The following IQSEC1 variants were observed in gnomAD, a reference collection of about 807,000 sequenced individuals.
IQSEC1 encodes the protein IQ motif and SEC7 domain-containing protein 1.
In IQSEC1, 31 loss-of-function variants were observed where a neutral mutation model predicts 91.0. The observed-to-expected ratio is 0.34, with a 90% CI of 0.26 to 0.46. The LOEUF is 0.46. Ranked by LOEUF, IQSEC1 falls within the 20% of genes least tolerant of loss-of-function variation. The pLI is 1.00. For missense variants in IQSEC1, 1,388 were observed against 1,575.6 expected (o/e 0.88, Z 2.02); for synonymous variants, 699 against 662.6 (o/e 1.05, Z -0.84).
At chr3:13,006,458 C>T (rs1702639276) in intron 1 of IQSEC1, among the ~76,000 whole-genome samples, 1 of 152,290 alleles carries the variant, frequency 6.6e-6, no homozygotes, top group African/African-American at 2.4e-5. Context: ...GGTGGGGGCA[C>T]ATGGAGGGGC....
At chr3:13,028,194 G>A (rs1703694875) in intron 1 of IQSEC1, among the ~76,000 whole-genome samples, 1 of 152,168 alleles carries the variant, frequency 6.6e-6, no homozygotes, top group African/African-American at 2.4e-5. Flanking sequence ...GCCCAGAGGG[G>A]GAGTTAATGA....
At chr3:13,241,206 C>A (rs557540842) in intron 1 of IQSEC1, among the ~76,000 whole-genome samples, 13 of 152,308 alleles carry the variant, frequency 8.5e-5, no homozygotes, top group African/African-American at 3.1e-4. Context: ...TAGTTCATGA[C>A]CCTAAAAACA....
chr3:13,174,083 G>A (rs907436062), intron 1 of IQSEC1, among the ~76,000 whole-genome samples: 2 of 152,152 alleles, frequency 1.3e-5, no homozygotes, highest in African/African-American at 2.4e-5. Flanking sequence ...CCAGAGGCCC[G>A]GGTTCCTACC....
In IQSEC1 at chr3:13,152,689, C is replaced by T. The variant is rs1576273591; in HGVS notation, c.302+11415G>A. Among the ~76,000 whole-genome samples the T allele has an allele frequency of 2.6e-5, 4 of 152,220 alleles. No homozygotes were observed. In the East Asian group the frequency reaches 5.8e-4, roughly 22 times the overall value. On this transcript the variant is annotated intron_variant, in intron 2 of 15. Coordinates refer to the IQSEC1 transcript ENST00000648114. The stretch of plus-strand genomic sequence containing the variant: ...AGTTTGAGACCAGCCTGGCCAACAT[C>T]GTGAAACCCTGCCTCTACTAAAAAT...
At chr3:13,058,260 G>A (rs1022207389) in intron 1 of IQSEC1, among the ~76,000 whole-genome samples, 2 of 152,182 alleles carry the variant, frequency 1.3e-5, no homozygotes, top group Non-Finnish European at 2.9e-5. Context: ...GCGACAGAGG[G>A]AGACTCTGTC....
rs1382217706 is a variant in IQSEC1 at position 12,994,307 on chromosome 3, C to T, written c.24-52442G>A. ...ACCTTGGCGGGTGGCCTCGCCGCGC[C>T]TGGCCTCAGTTTCCCCCCTCGGAAG... On this transcript the variant is annotated intron_variant, in intron 1 of 13. Transcript: ENST00000613206. The surrounding 1 kb of genome is among the most constrained non-coding windows in gnomAD (Gnocchi z 4.5). Among the ~76,000 whole-genome samples, 1 of 151,740 alleles carries T rather than the reference C, an allele frequency of 6.6e-6. No individual in the cohort carries two copies. The highest frequency in any genetic ancestry group is 1.5e-5 in the Non-Finnish European group (1 of 67,868).
chr3:13,225,719 T>G (rs1694741341), intron 1 of IQSEC1, among the ~76,000 whole-genome samples: 1 of 152,178 alleles, frequency 6.6e-6, no homozygotes, highest in African/African-American at 2.4e-5. Context: ...CTGAGAAAGG[T>G]ATATCCACAG....
At position 13,060,720 on chromosome 3, in the gene IQSEC1, C is replaced by T. The variant is rs545107415; in HGVS notation, c.23+12272G>A. 4.4e-3 allele frequency among the ~76,000 whole-genome samples: 664 copies of T among 152,296 alleles called. 2 individuals are homozygous for T. The highest frequency in any genetic ancestry group is 7.3e-3 in the Non-Finnish European group (498 of 68,006). ...TGGCCAGCAGCATCAGCCCTGCCCCCGGCGGGGCTCCAGGACCGGGAGACT... is the reference window on the plus strand; with the variant it reads ...TGGCCAGCAGCATCAGCCCTGCCCCTGGCGGGGCTCCAGGACCGGGAGACT... On this transcript the variant is annotated intron_variant, in intron 1 of 13. Transcript: ENST00000613206.
At chr3:13,010,170 A>C (rs1419290876) in intron 1 of IQSEC1, among the ~76,000 whole-genome samples, 4 of 152,226 alleles carry the variant, frequency 2.6e-5, no homozygotes, top group Non-Finnish European at 5.9e-5. Flanking sequence ...TTAGCAGGTC[A>C]TAGTGGCGGA....
At chr3:13,153,704 T>C (rs766022592) in intron 2 of IQSEC1, among the ~76,000 whole-genome samples, 13 of 152,178 alleles carry the variant, frequency 8.5e-5, no homozygotes, top group Non-Finnish European at 1.9e-4. Flanking sequence ...TGCACGGTGC[T>C]GTGCGTGTCT....
chr3:12,935,117 G>A lies in IQSEC1; in HGVS notation c.1568+331C>T, dbSNP rs929957105. On this transcript the variant is annotated intron_variant, in intron 3 of 13. Transcript: ENST00000613206. The surrounding 1 kb of genome is among the most constrained non-coding windows in gnomAD (Gnocchi z 8.0). ...AGGCCTGACATCCAAAGTTGCGCAG[G>A]GCATGGCCCAACATACCCCACTTGC... Among the ~76,000 whole-genome samples, 3 of 152,204 alleles carry A rather than the reference G, an allele frequency of 2.0e-5. No individual in the cohort carries two copies. Among genetic ancestry groups the A allele is most frequent in the Non-Finnish European group, 4.4e-5 (3 of 68,044 alleles).
intron 9 of IQSEC1, 148 bp downstream of exon 9, chr3:12,913,280 C>CAT: frequency 1.3e-6 from 1 of 772,990 alleles, no homozygotes; most frequent in Non-Finnish European, 2.0e-6. Context: ...AGTCTGTCTT[C>CAT]ATGTGCATCA....
intron 2 of IQSEC1, among the ~76,000 whole-genome samples, chr3:13,129,835 T>A (rs558786175): frequency 3.4e-4 from 51 of 151,700 alleles, no homozygotes; most frequent in South Asian, 1.3e-3. Flanking sequence ...TTTTTTTGTG[T>A]TTTTAGTAGA....
intron 1 of IQSEC1, among the ~76,000 whole-genome samples, chr3:12,971,786 C>A (rs939835627): frequency 2.6e-5 from 4 of 152,092 alleles, no homozygotes; most frequent in African/African-American, 9.7e-5. Context: ...CAGTTATGGG[C>A]CAGGTGTGGT....
Position 12,920,575 on chromosome 3 carries a change from G to A in IQSEC1, c.1875C>T (p.Asn625=). 2 of 1,614,092 alleles carry A rather than the reference G, an allele frequency of 1.2e-6. No homozygotes were observed. Among genetic ancestry groups the A allele is most frequent in the Non-Finnish European group, 1.7e-6 (2 of 1,180,024 alleles). ...TCCGGAATTGCCGCACCACCCCAGG[G>A]TTGCAGATGCAGTAGCGCTGGCTGC... ...EAFSQRYCIC[N]PGVVRQFRNP... Residue 625 remains asparagine, a synonymous_variant, in exon 6 of 14, where the codon AAC becomes AAT. Transcript: ENST00000613206.
At chr3:13,039,385 G>A (rs1704166108) in intron 1 of IQSEC1, among the ~76,000 whole-genome samples, 1 of 152,212 alleles carries the variant, frequency 6.6e-6, no homozygotes, top group East Asian at 1.9e-4. Flanking sequence ...AGGGAGCCTG[G>A]CACACCCTGT....
At position 13,143,231 on chromosome 3, in the gene IQSEC1, CTGAG is replaced by C. The variant is rs1348822264; in HGVS notation, c.302+20869_302+20872del. Among the ~76,000 whole-genome samples the C allele has an allele frequency of 1.2e-4, 18 of 152,350 alleles. No homozygotes were observed. The East Asian group carries it at 3.5e-3, about 29-fold the overall frequency. Reference sequence around the variant, plus strand: ...AGGGCACTCAGTGCATGCTTGTTGACTGAGTAACTGATGGCACCAGGAGAAGGAG... The same window carrying C: ...AGGGCACTCAGTGCATGCTTGTTGACTAACTGATGGCACCAGGAGAAGGAG... On this transcript the variant is annotated intron_variant, in intron 2 of 15. Coordinates refer to the IQSEC1 transcript ENST00000648114.
chr3:13,235,328 C>G (rs537650951), intron 1 of IQSEC1, among the ~76,000 whole-genome samples: 2 of 152,298 alleles, frequency 1.3e-5, no homozygotes, highest in East Asian at 1.9e-4. Flanking sequence ...CACACCCTTC[C>G]CCTGGCTGGT....
chr3:13,004,848 C>T (rs914853305), intron 1 of IQSEC1, among the ~76,000 whole-genome samples: 1 of 152,130 alleles, frequency 6.6e-6, no homozygotes, highest in African/African-American at 2.4e-5. Flanking sequence ...CACGAGGTAG[C>T]CTCCACCTCC....
Sources: allele counts gnomAD v4.1 joint callset (sites outside exome capture counted in the v4.1 genomes callset), GRCh38; gene constraint gnomAD v4.1.1; non-coding constraint Gnocchi (gnomAD v3.1); transcripts MANE v1.5; gene names NCBI Gene and HGNC (gene_info 2026-07-23, HGNC 2026-07-21).